The following HTR1F variants were observed in gnomAD, a reference collection of about 807,000 sequenced individuals.
HTR1F encodes 5-hydroxytryptamine (serotonin) receptor 1F, G protein-coupled.
A neutral mutation model predicts 24.0 loss-of-function variants in HTR1F; 17 were observed. The ratio of observed to expected loss-of-function variants is 0.71; its 90% CI spans 0.48 to 1.06. HTR1F has a LOEUF of 1.06. Ranked by LOEUF, HTR1F falls within the 50% of genes least tolerant of loss-of-function variation. HTR1F has a pLI of 0.00. For synonymous variants in HTR1F, 186 were observed against 156.8 expected (o/e 1.19, Z -1.39); for missense variants, 391 against 427.8 (o/e 0.91, Z 0.76).
chr3:87,985,181 C>T, intron 2 of HTR1F, among the ~76,000 whole-genome samples: 2 of 151,902 alleles, frequency 1.3e-5, no homozygotes, highest in African/African-American at 2.4e-5. Context: ...ACTAAAAATA[C>T]AAAATTAGCT....
intron 2 of HTR1F, among the ~76,000 whole-genome samples, chr3:87,839,010 TTA>T (rs869030625): frequency 1.5e-4 from 21 of 136,744 alleles, no homozygotes; most frequent in African/African-American, 6.3e-4. Context: ...TTTATTTATT[TTA>T]TTTTTATTTT....
intron 2 of HTR1F, among the ~76,000 whole-genome samples, chr3:87,947,858 T>G (rs1465509947): frequency 2.6e-5 from 4 of 152,186 alleles, no homozygotes; most frequent in Admixed American, 2.6e-4. Flanking sequence ...TGCTAATATA[T>G]CTTTCTTAAC....
At chr3:87,929,015 C>A (rs1423441734) in intron 2 of HTR1F, among the ~76,000 whole-genome samples, 1 of 152,124 alleles carries the variant, frequency 6.6e-6, no homozygotes, top group East Asian at 1.9e-4. Flanking sequence ...AGAAATGAGA[C>A]ATTTTTCTCT....
intron 2 of HTR1F, among the ~76,000 whole-genome samples, chr3:87,938,245 CTCTA>C (rs548595950): frequency 1.0e-3 from 159 of 152,242 alleles, no homozygotes; most frequent in African/African-American, 3.6e-3. Flanking sequence ...GGTGAAAGAT[CTCTA>C]TCTAAGTAGA....
chr3:87,962,946 C>T (rs984021552), intron 2 of HTR1F, among the ~76,000 whole-genome samples: 6 of 151,788 alleles, frequency 4.0e-5, no homozygotes, highest in African/African-American at 7.3e-5. Context: ...TTTTAACAAC[C>T]CTGAAAATTA....
chr3:87,857,537 G>A (rs1453605657), intron 2 of HTR1F, among the ~76,000 whole-genome samples: 2 of 152,038 alleles, frequency 1.3e-5, no homozygotes, highest in Non-Finnish European at 2.9e-5. Context: ...AGATATTTTA[G>A]TATGTCTTCT....
intron 2 of HTR1F, among the ~76,000 whole-genome samples, chr3:87,921,495 C>CCATACACATATACAATGTGTAATGAT (rs1704011288): frequency 6.6e-6 from 1 of 151,738 alleles, no homozygotes; most frequent in African/African-American, 2.4e-5. Context: ...ATAGGTATAT[C>CCATACACATATACAATGTGTAATGAT]CATACACATA....
intron 2 of HTR1F, among the ~76,000 whole-genome samples, chr3:87,918,421 AG>A (rs1327695981): frequency 3.3e-5 from 5 of 152,126 alleles, no homozygotes; most frequent in African/African-American, 4.8e-5. Context: ...ATTAGTAAAG[AG>A]GAAGTCAAAC....
chr3:87,858,171 TGATA>T (rs1394304788), intron 2 of HTR1F, among the ~76,000 whole-genome samples: 1 of 152,192 alleles, frequency 6.6e-6, no homozygotes, highest in African/African-American at 2.4e-5. Context: ...GTTTATGGCT[TGATA>T]AATACTCCCA....
At chr3:87,924,246 A>T (rs1704074787) in intron 2 of HTR1F, among the ~76,000 whole-genome samples, 1 of 152,196 alleles carries the variant, frequency 6.6e-6, no homozygotes, top group Non-Finnish European at 1.5e-5. Context: ...CCAGGAACTT[A>T]CTCATTTCAA....
chr3:87,820,364 G>T (rs1427367957), intron 1 of HTR1F, among the ~76,000 whole-genome samples: 2 of 151,582 alleles, frequency 1.3e-5, no homozygotes, highest in Non-Finnish European at 2.9e-5. Flanking sequence ...TTTTAGTAGA[G>T]ACGGGGTTTC....
chr3:87,807,953 C>T (rs763574403), intron 1 of HTR1F, among the ~76,000 whole-genome samples: 6 of 151,952 alleles, frequency 3.9e-5, no homozygotes, highest in Non-Finnish European at 7.4e-5. Context: ...ACCATTCTTC[C>T]ATCCCTGGGA....
intron 2 of HTR1F, among the ~76,000 whole-genome samples, chr3:87,878,915 T>G (rs1364814070): frequency 1.3e-5 from 2 of 152,150 alleles, no homozygotes; most frequent in South Asian, 2.1e-4. Context: ...CAGTAGGAAG[T>G]CTGTTATTCT....
At position 87,991,866 on chromosome 3, in the gene HTR1F, T is replaced by C. The variant is rs767506463; in HGVS notation, c.*16T>C. 1 of 1,538,356 alleles carries C rather than the reference T, an allele frequency of 6.5e-7. No homozygotes were observed. Among genetic ancestry groups the C allele is most frequent in the East Asian group, 2.3e-5 (1 of 44,022 alleles). The stretch of plus-strand genomic sequence containing the variant: ...TCGATGTTAGTTTTAAAAATGTTTA[T>C]TATTGAAGGATGGGGGTTTTTGAGG... On this transcript the variant is annotated 3_prime_UTR_variant, in exon 3 of 3. Coordinates refer to ENST00000319595, the MANE Select transcript of HTR1F (RefSeq NM_001322209.2).
At chr3:87,871,824 T>C (rs1705564749) in intron 2 of HTR1F, among the ~76,000 whole-genome samples, 1 of 152,034 alleles carries the variant, frequency 6.6e-6, no homozygotes, top group African/African-American at 2.4e-5. Context: ...GTGATTTCAA[T>C]ACCTCGCTTA....
chr3:87,934,908 C>A (rs1299623410), intron 2 of HTR1F, among the ~76,000 whole-genome samples: 1 of 152,164 alleles, frequency 6.6e-6, no homozygotes, highest in African/African-American at 2.4e-5. Context: ...CTTTGTCACC[C>A]AAGCTAGAGT....
chr3:87,871,038 T>C (rs1472346531), intron 2 of HTR1F, among the ~76,000 whole-genome samples: 1 of 147,760 alleles, frequency 6.8e-6, no homozygotes, highest in Non-Finnish European at 1.5e-5. Flanking sequence ...GGCTCAATCA[T>C]GGAAGCAAAA....
chr3:87,922,191 T>G (rs1431207927), intron 2 of HTR1F, among the ~76,000 whole-genome samples: 1 of 151,994 alleles, frequency 6.6e-6, no homozygotes, highest in Non-Finnish European at 1.5e-5. Flanking sequence ...TAGAATCTGT[T>G]ATTTTTGTTT....
intron 2 of HTR1F, among the ~76,000 whole-genome samples, chr3:87,845,672 A>C (rs1241507763): frequency 6.6e-6 from 1 of 151,740 alleles, no homozygotes; most frequent in African/African-American, 2.4e-5. Context: ...GGTAATTTAC[A>C]GATTCAATGC....
Sources: gnomAD v4.1 joint callset for allele counts (sites outside exome capture counted in the v4.1 genomes callset) on GRCh38, gnomAD v4.1.1 for gene constraint, MANE v1.5 for transcripts, NCBI Gene and HGNC (gene_info 2026-07-23, HGNC 2026-07-21) for gene names.